The following NPAS3 variants were observed in gnomAD, a reference collection of about 807,000 sequenced individuals.
The protein encoded by NPAS3 is neuronal PAS domain-containing protein 3.
In NPAS3, 14 loss-of-function variants were observed where a neutral mutation model predicts 73.1. That is an observed-to-expected ratio of 0.19 (90% CI 0.13 to 0.30). NPAS3 has a LOEUF of 0.30. Ranked by LOEUF, NPAS3 falls within the 10% of genes least tolerant of loss-of-function variation. The probability of loss-of-function intolerance (pLI) is 1.00; values close to 1 mark genes in which losing one functional copy is unlikely to be tolerated. For synonymous variants in NPAS3, 620 were observed against 541.5 expected (o/e 1.14, Z -2.01); for missense variants, 1,096 against 1,250.0 (o/e 0.88, Z 1.86).
intron 3 of NPAS3, among the ~76,000 whole-genome samples, chr14:33,270,968 A>G (rs1956720435): frequency 6.6e-6 from 1 of 152,218 alleles, no homozygotes; most frequent in Admixed American, 6.5e-5. Context: ...ATCAAGTGAC[A>G]AAAGGAAGAT....
chr14:33,724,873 C>A (rs1448737070), intron 6 of NPAS3, among the ~76,000 whole-genome samples: 4 of 151,924 alleles, frequency 2.6e-5, no homozygotes, highest in South Asian at 2.1e-4. Context: ...GTATTAAGAG[C>A]TTTTTTAAAA....
At chr14:32,952,385 G>T (rs1248078157) in intron 1 of NPAS3, among the ~76,000 whole-genome samples, 1 of 152,062 alleles carries the variant, frequency 6.6e-6, no homozygotes, top group Non-Finnish European at 1.5e-5. Context: ...ACTAGAAGAT[G>T]ATCTGATTAG....
chr14:33,402,393 G>A (rs1022781732), intron 4 of NPAS3, among the ~76,000 whole-genome samples: 1 of 151,924 alleles, frequency 6.6e-6, no homozygotes, highest in African/African-American at 2.4e-5. Context: ...GTACTTTTTG[G>A]ATCTGGACAA....
chr14:33,231,917 C>G (rs1344494551), intron 3 of NPAS3, among the ~76,000 whole-genome samples: 1 of 152,106 alleles, frequency 6.6e-6, no homozygotes, highest in Non-Finnish European at 1.5e-5. Context: ...ATACTAGCCT[C>G]TGTGCAAAAA....
chr14:33,313,494 C>T (rs573979939), intron 3 of NPAS3, among the ~76,000 whole-genome samples: 1 of 152,168 alleles, frequency 6.6e-6, no homozygotes, highest in East Asian at 1.9e-4. Flanking sequence ...CTATCCTGCT[C>T]CTCATCCAGG....
rs2138694885 is a variant in NPAS3 at position 33,800,706 on chromosome 14, A to G, written c.2399A>G (p.Asn800Ser). ...GCGCTGCAGAGGTTGCAGGCGGGCA[A>G]CGTCGTGCTCCCGCTGGTGCACAGG... The change falls in exon 12 of 12, where the codon AAC becomes AGC. Residue 800 changes from asparagine (N) to serine (S), a missense_variant. Asn to Ser is a conservative substitution (Grantham distance 46, BLOSUM62 1). This residue lies in a region of NPAS3 where 698 missense variants were observed against 676.7 expected (regional missense o/e 1.03). Transcript: ENST00000356141. The surrounding 1 kb of genome is among the most constrained non-coding windows in gnomAD (Gnocchi z 6.5). The G allele has an allele frequency of 6.5e-7, 1 of 1,548,380 alleles. No individual in the cohort carries two copies. Among genetic ancestry groups the G allele is most frequent in the Non-Finnish European group, 8.7e-7 (1 of 1,148,924 alleles).
downstream of NPAS3, chr14:33,801,289 G>A: frequency 7.5e-7 from 1 of 1,328,192 alleles, no homozygotes; most frequent in Non-Finnish European, 1.0e-6. Flanking sequence ...GTAAAGATAT[G>A]TTTATTTTTT....
At chr14:33,443,906 G>T (rs2049365257) in intron 4 of NPAS3, among the ~76,000 whole-genome samples, 1 of 152,146 alleles carries the variant, frequency 6.6e-6, no homozygotes, top group Non-Finnish European at 1.5e-5. Context: ...TCTGGTATGA[G>T]AAAGTTAACC....
chr14:33,063,938 A>G (rs114608407), intron 2 of NPAS3, among the ~76,000 whole-genome samples: 125 of 152,354 alleles, frequency 8.2e-4, no homozygotes, highest in African/African-American at 2.9e-3. Context: ...AAAAGTCATA[A>G]TGACTATGGA....
At chr14:33,734,562 G>A (rs1472123088) in intron 6 of NPAS3, among the ~76,000 whole-genome samples, 1 of 152,134 alleles carries the variant, frequency 6.6e-6, no homozygotes, top group Non-Finnish European at 1.5e-5. Context: ...TGGAGGGTTG[G>A]GGTTGAAAGC....
At chr14:33,385,224 C>G (rs1469660926) in intron 4 of NPAS3, among the ~76,000 whole-genome samples, 1 of 152,056 alleles carries the variant, frequency 6.6e-6, no homozygotes, top group Non-Finnish European at 1.5e-5. Context: ...GTGTAGATGA[C>G]CACCCTTCTT....
At chr14:33,249,881 T>G (rs796073487) in intron 3 of NPAS3, among the ~76,000 whole-genome samples, 5 of 151,800 alleles carry the variant, frequency 3.3e-5, no homozygotes, top group African/African-American at 7.2e-5. Context: ...CCCTCTATTG[T>G]AACGCGTTTG....
intron 3 of NPAS3, among the ~76,000 whole-genome samples, chr14:33,301,471 A>G (rs929891975): frequency 1.3e-5 from 2 of 151,802 alleles, no homozygotes; most frequent in Admixed American, 6.6e-5. Flanking sequence ...TAAAACTCAA[A>G]TTCTACTAGC....
In NPAS3 at chr14:33,584,414, G is replaced by GAAAA. The variant is rs1432664061; in HGVS notation, c.558+24204_558+24205insAAAA. On this transcript the variant is annotated intron_variant, in intron 5 of 11. Transcript: ENST00000356141. ...TGGATGTTTATTTAAAAAAAAAAAG[G>GAAAA]GGGATCAATAGAGATGAGAGAGAGC... 6.7e-3 allele frequency among the ~76,000 whole-genome samples: 937 copies of GAAAA among 139,602 alleles called. 7 individuals are homozygous for GAAAA. Among genetic ancestry groups the GAAAA allele is most frequent in the African/African-American group, 0.02 (797 of 39,056 alleles). 91.6% of individuals were successfully genotyped at this position (139,602 alleles called of 152,430 possible). A position where few individuals can be genotyped will look rare whatever the true frequency, so the allele number is the denominator to read the frequency against.
intron 4 of NPAS3, among the ~76,000 whole-genome samples, chr14:33,515,291 G>A (rs1473591885): frequency 2.6e-5 from 4 of 152,042 alleles, no homozygotes; most frequent in Non-Finnish European, 5.9e-5. Flanking sequence ...ATAAGAATGA[G>A]TAAGAGTGGC....
intron 4 of NPAS3, among the ~76,000 whole-genome samples, chr14:33,552,993 T>G (rs2055189553): frequency 6.6e-6 from 1 of 152,192 alleles, no homozygotes; most frequent in Admixed American, 6.5e-5. Flanking sequence ...ATTGGAATCC[T>G]CTCCTTGAGG....
At chr14:33,653,073 G>A (rs752386060) in intron 5 of NPAS3, among the ~76,000 whole-genome samples, 3 of 152,166 alleles carry the variant, frequency 2.0e-5, no homozygotes, top group African/African-American at 7.2e-5. Context: ...GCATATTTTT[G>A]ACCTTCCATT....
At chr14:33,103,554 ATATTGCCAAAGAGCAATTGGCAAGAT>A (rs1403902038) in intron 2 of NPAS3, among the ~76,000 whole-genome samples, 12 of 152,200 alleles carry the variant, frequency 7.9e-5, no homozygotes, top group Admixed American at 1.3e-4. Flanking sequence ...GTCCTTGAAG[ATATTGCCAAAGAGCAATTGGCAAGAT>A]TTATTTGCAC....
At chr14:33,315,577 C>T (rs367677106) in intron 3 of NPAS3, among the ~76,000 whole-genome samples, 4 of 151,430 alleles carry the variant, frequency 2.6e-5, no homozygotes, top group South Asian at 4.2e-4. Context: ...AAATAAGTAA[C>T]CTCCATTTAG....
Sources: gnomAD v4.1 joint callset for allele counts (sites outside exome capture counted in the v4.1 genomes callset) on GRCh38, gnomAD v4.1.1 for gene constraint, gnomAD v4.1.1 regional missense constraint, Gnocchi (gnomAD v3.1) non-coding constraint, MANE v1.5 for transcripts, NCBI Gene and HGNC (gene_info 2026-07-23, HGNC 2026-07-21) for gene names.